The following ERBB4 variants were observed in gnomAD, a reference collection of about 807,000 sequenced individuals.
ERBB4 encodes the protein erb-b2 receptor tyrosine kinase 4, also known as receptor tyrosine-protein kinase erbB-4.
A neutral mutation model predicts 158.0 loss-of-function variants in ERBB4; 42 were observed. That is an observed-to-expected ratio of 0.27 (90% confidence interval 0.21 to 0.34). The LOEUF (loss-of-function observed/expected upper bound fraction) is 0.34, where lower values mean the gene tolerates loss of function less well. Among genes scored for constraint, ERBB4 ranks in the 10% least tolerant of loss-of-function variants. The probability of loss-of-function intolerance (pLI) is 1.00; values close to 1 mark genes in which losing one functional copy is unlikely to be tolerated. For synonymous variants in ERBB4, 583 were observed against 558.7 expected, an observed-to-expected ratio of 1.04 and a Z score of -0.61; for missense variants, 1,333 against 1,624.1, an observed-to-expected ratio of 0.82 and a Z score of 3.08.
At chr2:211,773,608 ATATATATATATATAT>A (rs1184284237) in intron 4 of ERBB4, among the ~76,000 whole-genome samples, 1 of 23,054 alleles carries the variant, frequency 4.3e-5, no homozygotes, top group East Asian at 1.2e-3. Flanking sequence ...TTATATATAT[ATATATATATATATAT>A]ATATATATAT....
intron 1 of ERBB4, among the ~76,000 whole-genome samples, chr2:212,296,241 G>A (rs1377506181): frequency 6.6e-6 from 1 of 151,918 alleles, no homozygotes; most frequent in Admixed American, 6.6e-5. Context: ...GAGAGGGCCA[G>A]ACAGATATTG....
intron 5 of ERBB4, among the ~76,000 whole-genome samples, chr2:211,727,538 T>A (rs936750198): frequency 6.6e-6 from 1 of 152,004 alleles, no homozygotes; most frequent in African/African-American, 2.4e-5. Flanking sequence ...CTTAATATAT[T>A]TATCAGAGAG....
chr2:211,780,243 G>A (rs2076002020), intron 4 of ERBB4, among the ~76,000 whole-genome samples: 2 of 151,868 alleles, frequency 1.3e-5, no homozygotes, highest in Non-Finnish European at 2.9e-5. Context: ...ATGCATCTGT[G>A]GTCTCAGCTA....
chr2:211,636,148 C>G (rs989645828), intron 16 of ERBB4, among the ~76,000 whole-genome samples: 1 of 151,716 alleles, frequency 6.6e-6, no homozygotes, highest in Non-Finnish European at 1.5e-5. Context: ...GAAAAACAAA[C>G]AAAGACAGGC....
At chr2:211,641,549 A>T (rs983981127) in intron 16 of ERBB4, among the ~76,000 whole-genome samples, 13 of 152,112 alleles carry the variant, frequency 8.5e-5, no homozygotes, top group African/African-American at 2.9e-4. Flanking sequence ...GCCATCCCCC[A>T]TTTGGAGAAT....
intron 1 of ERBB4, among the ~76,000 whole-genome samples, chr2:212,320,042 G>A (rs1380576193): frequency 6.7e-6 from 1 of 149,892 alleles, no homozygotes; most frequent in Non-Finnish European, 1.5e-5. Context: ...AGTTGTTTCT[G>A]AATCTTAAAG....
intron 19 of ERBB4, among the ~76,000 whole-genome samples, chr2:211,584,752 A>T (rs1488191129): frequency 6.6e-6 from 1 of 151,454 alleles, no homozygotes; most frequent in Non-Finnish European, 1.5e-5. Flanking sequence ...ATGTATATTA[A>T]ATATTTACAT....
chr2:211,620,807 C>T (rs1387409846), intron 18 of ERBB4, among the ~76,000 whole-genome samples: 1 of 151,928 alleles, frequency 6.6e-6, no homozygotes, highest in Non-Finnish European at 1.5e-5. Context: ...TAAAGTATCC[C>T]TAAAGTGTAG....
intron 3 of ERBB4, among the ~76,000 whole-genome samples, chr2:211,886,701 A>G (rs1425259418): frequency 6.6e-6 from 1 of 152,222 alleles, no homozygotes; most frequent in African/African-American, 2.4e-5. Context: ...AAATGAAAGA[A>G]ATGCCATTAA....
At position 211,975,173 on chromosome 2, in the gene ERBB4, G is replaced by A. The variant is rs1052090431; in HGVS notation, c.235-27557C>T. On this transcript the variant is annotated intron_variant, in intron 2 of 27. Coordinates refer to ENST00000342788, the MANE Select transcript of ERBB4 (RefSeq NM_005235.3). ...TTTTTGTATCTTTTTGTAGATATGA[G>A]CTTTTGCCTTGTTGCTCAAGACAAT... is the stretch of plus-strand genomic sequence containing the variant. Among the ~76,000 whole-genome samples, 3 of 152,062 alleles carry A rather than the reference G, an allele frequency of 2.0e-5. No homozygotes were observed. The East Asian group carries it at 5.8e-4, about 29-fold the overall frequency.
chr2:212,061,707 G>C (rs1559417966), intron 2 of ERBB4, among the ~76,000 whole-genome samples: 1 of 146,326 alleles, frequency 6.8e-6, no homozygotes, highest in African/African-American at 2.5e-5. Flanking sequence ...ATTGCAGATT[G>C]TTTCTTTCTT....
intron 1 of ERBB4, among the ~76,000 whole-genome samples, chr2:212,443,683 C>T (rs1389627257): frequency 6.6e-6 from 1 of 152,218 alleles, no homozygotes; most frequent in African/African-American, 2.4e-5. Context: ...GCCACTTGGG[C>T]CCTGTGACCC....
At chr2:212,285,720 A>G (rs975855793) in intron 1 of ERBB4, among the ~76,000 whole-genome samples, 3 of 152,168 alleles carry the variant, frequency 2.0e-5, no homozygotes, top group African/African-American at 7.2e-5. Flanking sequence ...AAAAATTATA[A>G]AAAAATTGAG....
intron 19 of ERBB4, among the ~76,000 whole-genome samples, chr2:211,593,640 C>T (rs1390893750): frequency 6.6e-6 from 1 of 152,184 alleles, no homozygotes; most frequent in Non-Finnish European, 1.5e-5. Flanking sequence ...TTAATTTACA[C>T]TTGTATCTGT....
chr2:212,505,425 T>C (rs745613026), intron 1 of ERBB4, among the ~76,000 whole-genome samples: 2 of 124,144 alleles, frequency 1.6e-5, no homozygotes, highest in Non-Finnish European at 4.1e-5. Context: ...AGAGTGAGTA[T>C]TAAACATCAA....
At chr2:211,951,394 G>T (rs2080871631) in intron 2 of ERBB4, among the ~76,000 whole-genome samples, 1 of 152,060 alleles carries the variant, frequency 6.6e-6, no homozygotes. Flanking sequence ...AATAATAAGT[G>T]CTCTAGAATG....
At chr2:211,707,015 G>C (rs2073471973) in intron 9 of ERBB4, among the ~76,000 whole-genome samples, 1 of 152,132 alleles carries the variant, frequency 6.6e-6, no homozygotes. Context: ...TGCAGTACAA[G>C]AATAAGCTTT....
chr2:211,463,173 A>G (rs1046504914), intron 20 of ERBB4, among the ~76,000 whole-genome samples: 2 of 152,182 alleles, frequency 1.3e-5, no homozygotes, highest in Non-Finnish European at 2.9e-5. Context: ...CTGTGACTGA[A>G]AAAGAAGTTA....
At chr2:211,506,831 T>G (rs921427060) in intron 20 of ERBB4, among the ~76,000 whole-genome samples, 3 of 151,840 alleles carry the variant, frequency 2.0e-5, no homozygotes, top group African/African-American at 7.3e-5. Context: ...ATGTCACACT[T>G]CCAACCCCAA....
Sources: gnomAD v4.1 joint callset for allele counts (sites outside exome capture counted in the v4.1 genomes callset) on GRCh38, gnomAD v4.1.1 for gene constraint, MANE v1.5 for transcripts, NCBI Gene and HGNC (gene_info 2026-07-23, HGNC 2026-07-21) for gene names.